The following ANXA10 variants were observed in gnomAD, a reference collection of about 807,000 sequenced individuals.
ANXA10 encodes the protein annexin A10.
In ANXA10, 49 loss-of-function variants were observed where a neutral mutation model predicts 53.5. The ratio of observed to expected loss-of-function variants is 0.92; its 90% CI spans 0.73 to 1.16. The LOEUF (loss-of-function observed/expected upper bound fraction) is 1.16. ANXA10 is among the 50% of genes most tolerant of loss of function. ANXA10 has a pLI of 0.00. For missense variants in ANXA10, 393 were observed against 394.4 expected (o/e 1.00, Z 0.03); for synonymous variants, 131 against 128.9 (o/e 1.02, Z -0.11).
chr4:168,104,839 CTT>C (rs1350922944), intron 1 of ANXA10, among the ~76,000 whole-genome samples: 13 of 151,522 alleles, frequency 8.6e-5, no homozygotes, highest in African/African-American at 1.2e-4. Flanking sequence ...TGATTTTACT[CTT>C]GTCTTTATTA....
At chr4:168,142,503 C>T (rs1256712791) in intron 3 of ANXA10, among the ~76,000 whole-genome samples, 1 of 152,110 alleles carries the variant, frequency 6.6e-6, no homozygotes. Context: ...GACCTCACAG[C>T]CCCCCACCAG....
At chr4:168,102,334 A>G (rs1730653552) in intron 1 of ANXA10, among the ~76,000 whole-genome samples, 1 of 152,080 alleles carries the variant, frequency 6.6e-6, no homozygotes, top group African/African-American at 2.4e-5. Flanking sequence ...CATGTATCCA[A>G]TGCCACATTT....
chr4:168,105,299 G>A (rs1203123435), intron 1 of ANXA10, among the ~76,000 whole-genome samples: 2 of 151,816 alleles, frequency 1.3e-5, no homozygotes, highest in Non-Finnish European at 2.9e-5. Flanking sequence ...CCCAGTTTCT[G>A]TTGTTCCCTT....
intron 3 of ANXA10, among the ~76,000 whole-genome samples, chr4:168,154,526 T>C (rs1578920189): frequency 6.6e-6 from 1 of 152,180 alleles, no homozygotes; most frequent in Non-Finnish European, 1.5e-5. Flanking sequence ...CACTTAGGGA[T>C]AGAAGAAGGC....
chr4:168,152,447 TTGTTGACCA>T (rs1731514341), intron 3 of ANXA10, among the ~76,000 whole-genome samples: 1 of 152,180 alleles, frequency 6.6e-6, no homozygotes, highest in South Asian at 2.1e-4. Flanking sequence ...ATTATGTATC[TTGTTGACCA>T]TGTAAGGACT....
rs199709153 is a variant in ANXA10, at chr4:168,162,574, A to G, written c.242A>G (p.Asp81Gly). The G allele has an allele frequency of 6.2e-7, 1 of 1,613,976 alleles. No homozygotes were observed. Among genetic ancestry groups the G allele is most frequent in the Non-Finnish European group, 8.5e-7 (1 of 1,179,900 alleles). Residue 81 changes from aspartate to glycine, a missense_variant, in exon 4 of 12, where the codon GAT becomes GGT. Coordinates refer to ENST00000359299, the MANE Select transcript of ANXA10 (RefSeq NM_007193.5). ...MREQLSDHFK[D>G]VMAGLMYPPP... ...GAGCAGCTTTCGGATCACTTCAAAGATGTGATGGCTGGCCTCATGTACCCA... is the reference window on the plus strand; with the variant it reads ...GAGCAGCTTTCGGATCACTTCAAAGGTGTGATGGCTGGCCTCATGTACCCA...
intron 11 of ANXA10, among the ~76,000 whole-genome samples, chr4:168,184,952 A>C (rs1406721515): frequency 1.3e-5 from 2 of 152,152 alleles, no homozygotes; most frequent in Non-Finnish European, 1.5e-5. Context: ...CAGGAGATCC[A>C]GACCAACCTG....
At chr4:168,151,740 A>AACATG (rs1731501513) in intron 3 of ANXA10, among the ~76,000 whole-genome samples, 1 of 152,196 alleles carries the variant, frequency 6.6e-6, no homozygotes, top group Non-Finnish European at 1.5e-5. Context: ...GTTATTCGAT[A>AACATG]TTTATCTTCC....
chr4:168,100,387 C>T (rs944824519), intron 1 of ANXA10, among the ~76,000 whole-genome samples: 1 of 152,126 alleles, frequency 6.6e-6, no homozygotes, highest in South Asian at 2.1e-4. Flanking sequence ...TGTCACCTCA[C>T]TATGACAATG....
intron 2 of ANXA10, among the ~76,000 whole-genome samples, chr4:168,130,945 AG>A (rs1466675231): frequency 6.6e-6 from 1 of 151,808 alleles, no homozygotes; most frequent in East Asian, 1.9e-4. Flanking sequence ...AAAAAAAACC[AG>A]CTTTTGGTGC....
intron 11 of ANXA10, among the ~76,000 whole-genome samples, chr4:168,185,904 T>C (rs1732360327): frequency 6.6e-6 from 1 of 152,216 alleles, no homozygotes. Context: ...TGTAGGCCTC[T>C]GGAGAGCTGA....
At chr4:168,179,696 T>C (rs1732203325) in intron 9 of ANXA10, among the ~76,000 whole-genome samples, 1 of 152,204 alleles carries the variant, frequency 6.6e-6, no homozygotes, top group Non-Finnish European at 1.5e-5. Context: ...TTCTTCTCTT[T>C]AGGAGGAAAA....
In ANXA10 at chr4:168,120,585, G is replaced by A. The variant is rs191145382; in HGVS notation, c.19-7499G>A. On this transcript the variant is annotated intron_variant, in intron 1 of 11. Transcript: ENST00000359299. The stretch of plus-strand genomic sequence containing the variant: ...ACAGAATGTACATGTAATAAATTTT[G>A]ATGACATCGCAATGTTAATAAAATA... 6.1e-3 allele frequency among the ~76,000 whole-genome samples: 927 copies of A among 152,130 alleles called. 4 individuals are homozygous for A. The highest frequency in any genetic ancestry group is 8.7e-3 in the Non-Finnish European group (594 of 67,922).
rs569218491 is a variant in ANXA10, at chr4:168,148,672, T to C, written c.195+9092T>C. On this transcript the variant is annotated intron_variant, in intron 3 of 11. Coordinates refer to ENST00000359299, the MANE Select transcript of ANXA10 (RefSeq NM_007193.5). ...CAAATTAGTCATTATTATGCCATTG[T>C]ATAAGTTAGTGTTTCTTTAGTTTTA... Among the ~76,000 whole-genome samples, 56 of 152,334 alleles carry C rather than the reference T, an allele frequency of 3.7e-4. 1 individual carries two copies. Among genetic ancestry groups the C allele is most frequent in the African/African-American group, 1.3e-3 (56 of 41,570 alleles).
At chr4:168,169,103 C>T (rs1438663435) in intron 6 of ANXA10, among the ~76,000 whole-genome samples, 2 of 152,088 alleles carry the variant, frequency 1.3e-5, no homozygotes, top group African/African-American at 2.4e-5. Flanking sequence ...GGTATAAGCT[C>T]ATTTTAATTT....
At chr4:168,117,794 C>A (rs1283517205) in intron 1 of ANXA10, among the ~76,000 whole-genome samples, 1 of 152,096 alleles carries the variant, frequency 6.6e-6, no homozygotes, top group Non-Finnish European at 1.5e-5. Context: ...CCAACTTATT[C>A]CACTTCAGGG....
At chr4:168,118,090 C>CT (rs1012456005) in intron 1 of ANXA10, among the ~76,000 whole-genome samples, 42 of 147,656 alleles carry the variant, frequency 2.8e-4, no homozygotes, top group Middle Eastern at 3.5e-3. Context: ...GCCGGAGATT[C>CT]TTTTTTTTTT....
At chr4:168,167,853 G>A (rs1731908609) in intron 6 of ANXA10, among the ~76,000 whole-genome samples, 1 of 152,058 alleles carries the variant, frequency 6.6e-6, no homozygotes, top group African/African-American at 2.4e-5. Flanking sequence ...AGGTAAAACT[G>A]GCCGGGTATT....
intron 6 of ANXA10, among the ~76,000 whole-genome samples, chr4:168,170,385 T>C (rs943289046): frequency 6.6e-6 from 1 of 152,190 alleles, no homozygotes; most frequent in Non-Finnish European, 1.5e-5. Flanking sequence ...ACAACTTTAT[T>C]TCCTAGTTTT....
Sources: allele counts gnomAD v4.1 joint callset (sites outside exome capture counted in the v4.1 genomes callset), GRCh38; gene constraint gnomAD v4.1.1; transcripts MANE v1.5; gene names NCBI Gene and HGNC (gene_info 2026-07-23, HGNC 2026-07-21).